Variants in HEBP2 observed in about 807,000 individuals in gnomAD.
HEBP2 encodes heme-binding protein 2.
HEBP2 carries 27 observed loss-of-function variants against 23.1 expected under a neutral mutation model. That is an observed-to-expected ratio of 1.17 (90% CI 0.86 to 1.61). The LOEUF (loss-of-function observed/expected upper bound fraction) is 1.61, where lower values mean the gene tolerates loss of function less well. Among genes scored for constraint, HEBP2 ranks in the 40% most tolerant of loss-of-function variants. HEBP2 has a pLI of 0.00. For synonymous variants in HEBP2, 99 were observed against 95.1 expected (o/e 1.04, Z -0.24); for missense variants, 245 against 253.8 (o/e 0.97, Z 0.24).
At chr6:138,404,941 G>A (rs1234835426) in intron 1 of HEBP2, among the ~76,000 whole-genome samples, 1 of 152,038 alleles carries the variant, frequency 6.6e-6, no homozygotes, top group African/African-American at 2.4e-5. Flanking sequence ...TGGGGCCGCT[G>A]CGGTCCCTAA....
Position 138,405,155 on chromosome 6 carries a change from A to T in HEBP2, c.113A>T (p.Tyr38Phe), listed in dbSNP as rs1774620612. ...TCTGTTCCACTTTAGCCCGGAAGTT[A>T]TGAGATCCGACACTATGGACCAGCC... The part of the protein sequence containing the change: ...PEDAGPQPGS[Y>F]EIRHYGPAKW... The change falls in exon 2 of 4, where the codon TAT becomes TTT. Residue 38 changes from tyrosine to phenylalanine, a missense_variant. Physicochemically the swap from Tyr to Phe is conservative, Grantham distance 22. Coordinates refer to ENST00000607197, the MANE Select transcript of HEBP2 (RefSeq NM_014320.3). 6.2e-7 allele frequency: 1 copy of T among 1,611,250 alleles called. No homozygotes were observed. Among genetic ancestry groups the T allele is most frequent in the Non-Finnish European group, 8.5e-7 (1 of 1,179,274 alleles).
intron 3 of HEBP2, chr6:138,412,266 A>G: frequency 1.2e-5 from 4 of 334,474 alleles, no homozygotes; most frequent in South Asian, 8.9e-5. Flanking sequence ...GGTGACCTGT[A>G]TGCACGTTAA....
In HEBP2 at chr6:138,421,197, T is replaced by G. The variant is rs1774923061; in HGVS notation, c.*8119T>G. On this transcript the variant is annotated 3_prime_UTR_variant, in exon 4 of 4. Coordinates refer to ENST00000607197, the MANE Select transcript of HEBP2 (RefSeq NM_014320.3). ...CATCTGCCAAAGCAAATTATGCTGC[T>G]GTGCTCATTTGATGATGGAATCAGC... 1 of 152,198 alleles carries G rather than the reference T, an allele frequency of 6.6e-6. No individual in the cohort carries two copies. Among genetic ancestry groups the G allele is most frequent in the Admixed American group, 6.5e-5 (1 of 15,284 alleles). 9.4% of individuals were successfully genotyped at this position (152,198 alleles called of 1,614,324 possible). A position where few individuals can be genotyped will look rare whatever the true frequency, so the allele number is the denominator to read the frequency against.
intron 3 of HEBP2, among the ~76,000 whole-genome samples, chr6:138,409,207 G>T (rs926028653): frequency 1.3e-5 from 2 of 152,176 alleles, no homozygotes; most frequent in East Asian, 1.9e-4. Flanking sequence ...GTAGGGACAG[G>T]ATCTCACTAT....
In HEBP2 at chr6:138,413,105, A is replaced by C. The variant is rs754979590; in HGVS notation, c.*27A>C. On this transcript the variant is annotated 3_prime_UTR_variant, in exon 4 of 4. Coordinates refer to ENST00000607197, the MANE Select transcript of HEBP2 (RefSeq NM_014320.3). Reference sequence around the variant, plus strand: ...AAAAATGAAAGGAAGTTCTGCTGTCAGAGGCAAAACATCTGTTTATCATAG... The same window carrying C: ...AAAAATGAAAGGAAGTTCTGCTGTCCGAGGCAAAACATCTGTTTATCATAG... 7 of 1,571,754 alleles carry C rather than the reference A, an allele frequency of 4.5e-6. No homozygotes were observed. In the African/African-American group the frequency reaches 9.5e-5, roughly 21 times the overall value.
chr6:138,403,831 C>T, upstream of HEBP2: 1 of 400,032 alleles, frequency 2.5e-6, no homozygotes, highest in Non-Finnish European at 4.4e-6. Context: ...AGAACAGTTC[C>T]AGATTCTCTC....
chr6:138,420,125 T>G lies in HEBP2; in HGVS notation c.*7047T>G, dbSNP rs1325297349. 6.6e-6 allele frequency: 1 copy of G among 152,214 alleles called. No homozygotes were observed. The highest frequency in any genetic ancestry group is 1.5e-5 in the Non-Finnish European group (1 of 68,082). 9.4% of individuals were successfully genotyped at this position (152,214 alleles called of 1,614,324 possible). ...ATGGACTAGTGCAGCAACCCTGGTC[T>G]GAGAAGGGTTTGGCTCCCAGGAGCT... On this transcript the variant is annotated 3_prime_UTR_variant, in exon 4 of 4. Coordinates refer to ENST00000607197, the MANE Select transcript of HEBP2 (RefSeq NM_014320.3).
chr6:138,404,541 G>A lies in HEBP2; in HGVS notation c.46G>A (p.Ala16Thr). 7.6e-7 allele frequency: 1 copy of A among 1,310,824 alleles called. No homozygotes were observed. The highest frequency in any genetic ancestry group is 9.7e-7 in the Non-Finnish European group (1 of 1,029,686). 81.2% of individuals were successfully genotyped at this position (1,310,824 alleles called of 1,614,324 possible). The change falls in exon 1 of 4, where the codon GCG (alanine) becomes ACG (threonine). Residue 16 changes from alanine to threonine, a missense_variant. Coordinates refer to ENST00000607197, the MANE Select transcript of HEBP2 (RefSeq NM_014320.3). ...QPDPGAAEDAAAQAVETPGWK... is the reference protein window; with the variant it reads ...QPDPGAAEDATAQAVETPGWK... The stretch of plus-strand genomic sequence containing the variant: ...AGACCCCGGGGCGGCCGAGGACGCG[G>A]CGGCCCAAGCTGTGGAGACGCCGGG...
chr6:138,404,400 T>G lies in HEBP2; in HGVS notation c.-96T>G. On this transcript the variant is annotated 5_prime_UTR_variant, in exon 1 of 4. Coordinates refer to ENST00000607197, the MANE Select transcript of HEBP2 (RefSeq NM_014320.3). The stretch of plus-strand genomic sequence containing the variant: ...GGGACCGGGTCTGCGGAGCGGGGAC[T>G]CGGGGCCTCGGCGGGGCGCGCACAC... 1.2e-6 allele frequency: 1 copy of G among 800,794 alleles called. No individual in the cohort carries two copies. Among genetic ancestry groups the G allele is most frequent in the South Asian group, 6.2e-5 (1 of 16,178 alleles). 49.6% of individuals were successfully genotyped at this position (800,794 alleles called of 1,614,324 possible).
At position 138,413,994 on chromosome 6, in the gene HEBP2, TGAA is replaced by T. The variant is rs1327107122; in HGVS notation, c.*920_*922del. ...AGATGCTTGAAATTGGCAAGTGTGA[TGAA>T]GAACAGAATAGGGCAGTGGGGTAGA... On this transcript the variant is annotated 3_prime_UTR_variant, in exon 4 of 4. Transcript: ENST00000607197. 1 of 152,246 alleles carries T rather than the reference TGAA, an allele frequency of 6.6e-6. No individual in the cohort carries two copies. Among genetic ancestry groups the T allele is most frequent in the African/African-American group, 2.4e-5 (1 of 41,436 alleles). The allele number at this position is 152,246 out of a possible 1,614,324, so 9.4% of individuals were successfully genotyped here.
intron 3 of HEBP2, among the ~76,000 whole-genome samples, chr6:138,408,283 T>G (rs550515353): frequency 5.3e-5 from 8 of 152,346 alleles, no homozygotes; most frequent in Admixed American, 1.3e-4. Flanking sequence ...AATTCTCTCT[T>G]CTTGTATTTT....
upstream of HEBP2, among the ~76,000 whole-genome samples, chr6:138,404,029 C>T (rs1054181188): frequency 3.3e-5 from 5 of 152,112 alleles, no homozygotes; most frequent in East Asian, 9.8e-4. Context: ...CGCTGGGACA[C>T]CCTCGAGGCG....
chr6:138,406,445 T>C (rs908647862), intron 3 of HEBP2, among the ~76,000 whole-genome samples: 4 of 152,188 alleles, frequency 2.6e-5, no homozygotes, highest in African/African-American at 9.7e-5. Context: ...AAAAATACCT[T>C]AAAACAGAAG....
chr6:138,404,982 C>T (rs557583590), intron 1 of HEBP2, among the ~76,000 whole-genome samples, 163 bp from the exon 2 acceptor site: 1 of 151,628 alleles, frequency 6.6e-6, no homozygotes, highest in Admixed American at 6.6e-5. Flanking sequence ...TGGAGGGGAA[C>T]CTCCCAGACC....
rs932582704 is a variant in HEBP2, at chr6:138,406,138, A to T, written c.406A>T (p.Thr136Ser). ...CTTCATTGAAGATAGAGCCGAAATG[A>T]CTGTGTTTGTACGGTAAGTGGTAGA... ...DVFIEDRAEM[T>S]VFVRSFDGFS... is the part of the protein sequence containing the mutation. Residue 136 changes from threonine (T) to serine (S), a missense_variant, in exon 3 of 4, where the codon ACT becomes TCT. Thr to Ser is a moderately conservative substitution (Grantham distance 58). Transcript: ENST00000607197. 3 of 1,613,798 alleles carry T rather than the reference A, an allele frequency of 1.9e-6. No homozygotes were observed. The highest frequency in any genetic ancestry group is 2.7e-5 in the African/African-American group (2 of 74,908).
upstream of HEBP2, chr6:138,403,562 C>A (rs759131442): frequency 6.3e-6 from 3 of 473,726 alleles, no homozygotes; most frequent in Non-Finnish European, 1.1e-5. Flanking sequence ...TGGCTGCCCA[C>A]GATGGGAGTC....
chr6:138,415,186 TTTTCC>T lies in HEBP2; in HGVS notation c.*2113_*2117del, dbSNP rs1562242058. On this transcript the variant is annotated 3_prime_UTR_variant, in exon 4 of 4. Coordinates refer to ENST00000607197, the MANE Select transcript of HEBP2 (RefSeq NM_014320.3). ...TCCTCTGCTCAATCCTGCTTTTCCC[TTTTCC>T]TTTCAGAGATGTCACTTCACCAGTT... is the stretch of plus-strand genomic sequence containing the variant. 6.6e-6 allele frequency: 1 copy of T among 152,380 alleles called. No homozygotes were observed. Among genetic ancestry groups the T allele is most frequent in the East Asian group, 1.9e-4 (1 of 5,190 alleles). 9.4% of individuals were successfully genotyped at this position (152,380 alleles called of 1,614,324 possible).
rs1030982711 is a variant in HEBP2 at position 138,414,389 on chromosome 6, T to C, written c.*1311T>C. On this transcript the variant is annotated 3_prime_UTR_variant, in exon 4 of 4. Coordinates refer to ENST00000607197, the MANE Select transcript of HEBP2 (RefSeq NM_014320.3). ...TTACCAGAGTGAGGCCGCTGCTGAT[T>C]AGCATGATTTAGAAGCCTAGTTTGG... 1 of 152,206 alleles carries C rather than the reference T, an allele frequency of 6.6e-6. No homozygotes were observed. Among genetic ancestry groups the C allele is most frequent in the Non-Finnish European group, 1.5e-5 (1 of 68,038 alleles). The allele number at this position is 152,206 out of a possible 1,614,324, so 9.4% of individuals were successfully genotyped here.
At chr6:138,406,253 A>G (rs373655284) in intron 3 of HEBP2, 102 bp downstream of exon 3, 10 of 1,040,288 alleles carry the variant, frequency 9.6e-6, no homozygotes, top group Non-Finnish European at 1.3e-5. Context: ...TCACCCTTCC[A>G]TAAAATCAGG....
Sources: gnomAD v4.1 joint callset for allele counts (sites outside exome capture counted in the v4.1 genomes callset) on GRCh38, gnomAD v4.1.1 for gene constraint, MANE v1.5 for transcripts, NCBI Gene and HGNC (gene_info 2026-07-23, HGNC 2026-07-21) for gene names.